TANGO6: variants seen among roughly 807,000 people sequenced by gnomAD.
TANGO6 encodes transport and Golgi organization protein 6 homolog.
TANGO6 carries 90 observed loss-of-function variants against 114.2 expected under a neutral mutation model. The observed-to-expected ratio is 0.79, with a 90% CI of 0.66 to 0.94. TANGO6 has a LOEUF of 0.94. Ranked by LOEUF, TANGO6 falls within the 40% of genes least tolerant of loss-of-function variation. TANGO6 has a pLI of 0.00. For synonymous variants in TANGO6, 477 were observed against 509.8 expected, an observed-to-expected ratio of 0.94 and a Z score of 0.87; for missense variants, 1,274 against 1,315.3, an observed-to-expected ratio of 0.97 and a Z score of 0.49.
chr16:68,898,946 C>CTTA (rs143073228), intron 7 of TANGO6, among the ~76,000 whole-genome samples: 57,364 of 144,564 alleles, frequency 0.4, 11,379 homozygotes, highest in Middle Eastern at 0.5. Context: ...AATTATCTGC[C>CTTA]TTATTATTAT....
intron 14 of TANGO6, among the ~76,000 whole-genome samples, chr16:68,962,718 G>A (rs761419041): frequency 1.7e-4 from 26 of 151,806 alleles, no homozygotes; most frequent in Non-Finnish European, 3.8e-4. Flanking sequence ...TCAAGATTGC[G>A]CCATTGCACA....
chr16:68,988,987 T>G (rs558966469), intron 15 of TANGO6, among the ~76,000 whole-genome samples: 2 of 152,212 alleles, frequency 1.3e-5, no homozygotes, highest in Admixed American at 1.3e-4. Flanking sequence ...CTCTTCAGTT[T>G]CCCAAGTATG....
intron 17 of TANGO6, among the ~76,000 whole-genome samples, chr16:69,061,755 C>CA (rs1236929805): frequency 6.6e-6 from 1 of 152,062 alleles, no homozygotes; most frequent in Admixed American, 6.6e-5. Flanking sequence ...CGCGGTGGCT[C>CA]ACGCCTGTAA....
chr16:69,050,491 A>ATTTTTTT (rs1257183183), intron 17 of TANGO6, among the ~76,000 whole-genome samples: 1 of 140,486 alleles, frequency 7.1e-6, no homozygotes, highest in African/African-American at 2.6e-5. Flanking sequence ...TGCCCAGCTA[A>ATTTTTTT]TTTTTTTTTT....
rs777753078 is a variant in TANGO6, at chr16:68,930,282, A to C, written c.2688A>C (p.Leu896=). The change falls in exon 14 of 18, where the codon CTA becomes CTC. Residue 896 remains leucine, a synonymous_variant. Transcript: ENST00000261778. ...AACATGAAGACACTTTTGTATATCT[A>C]TCTGCAATTCAGGGTAAGTCAGTCC... ...NLEHEDTFVY[L]SAIQGVALLS... 4.5e-6 allele frequency: 7 copies of C among 1,554,348 alleles called. No homozygotes were observed. Among genetic ancestry groups the C allele is most frequent in the Non-Finnish European group, 6.1e-6 (7 of 1,147,868 alleles).
At position 69,008,587 on chromosome 16, in the gene TANGO6, T is replaced by TAAATCTGTGATCCA. The variant is rs1184486884; in HGVS notation, c.2843-14240_2843-14227dup. On this transcript the variant is annotated intron_variant, in intron 15 of 17. Transcript: ENST00000261778. ...GTTTTACAATTTTATCTCTTATGCA[T>TAAATCTGTGATCCA]AAATCTGTGATCCATTTGAAGTTAA... Among the ~76,000 whole-genome samples, 8 of 152,272 alleles carry TAAATCTGTGATCCA rather than the reference T, an allele frequency of 5.3e-5. No homozygotes were observed. The South Asian group carries it at 6.2e-4, about 12-fold the overall frequency.
In TANGO6 at chr16:68,900,526, G is replaced by A; in HGVS notation, c.1470G>A (p.Lys490=). ...GVLFLLYCFT[K]QSVSHIRSLC... ...TTTTTCTTCTCTACTGTTTTACTAA[G>A]CAGAGTGTGTCTCACATAAGGTAAA... The change falls in exon 8 of 18, where the codon AAG becomes AAA. Residue 490 remains lysine (K), a synonymous_variant. Coordinates refer to ENST00000261778, the MANE Select transcript of TANGO6 (RefSeq NM_024562.2). The A allele has an allele frequency of 6.2e-7, 1 of 1,613,712 alleles. No individual in the cohort carries two copies. The highest frequency in any genetic ancestry group is 8.5e-7 in the Non-Finnish European group (1 of 1,179,680).
At chr16:68,967,521 G>A (rs866792905) in intron 14 of TANGO6, among the ~76,000 whole-genome samples, 32 of 152,132 alleles carry the variant, frequency 2.1e-4, no homozygotes, top group African/African-American at 7.0e-4. Context: ...AAGAAATTTC[G>A]TAACTATTAG....
At chr16:69,016,639 A>T (rs954428080) in intron 15 of TANGO6, among the ~76,000 whole-genome samples, 4 of 152,004 alleles carry the variant, frequency 2.6e-5, no homozygotes, top group Admixed American at 1.3e-4. Flanking sequence ...TAGAGGTTTT[A>T]AAATATTTAT....
At chr16:68,918,157 C>T (rs558755918) in intron 11 of TANGO6, among the ~76,000 whole-genome samples, 30 of 152,292 alleles carry the variant, frequency 2.0e-4, no homozygotes, top group Admixed American at 1.6e-3. Context: ...ATCTACCCAC[C>T]TCAGCCTCCC....
At chr16:69,039,656 G>A (rs1386658592) in intron 16 of TANGO6, among the ~76,000 whole-genome samples, 1 of 134,032 alleles carries the variant, frequency 7.5e-6, no homozygotes, top group Non-Finnish European at 1.7e-5. Flanking sequence ...AAACAAAACA[G>A]AAAAAATACG....
intron 11 of TANGO6, among the ~76,000 whole-genome samples, chr16:68,912,979 C>G (rs969950912): frequency 2.0e-5 from 3 of 149,846 alleles, no homozygotes; most frequent in Non-Finnish European, 3.0e-5. Flanking sequence ...ATTCGGAAGG[C>G]TGAGGCATGA....
chr16:68,879,417 G>C (rs1962422323), intron 6 of TANGO6, among the ~76,000 whole-genome samples: 1 of 152,130 alleles, frequency 6.6e-6, no homozygotes, highest in African/African-American at 2.4e-5. Flanking sequence ...AGGAGGTTGA[G>C]GTTGCAGTGA....
In TANGO6 at chr16:69,040,357, T is replaced by C; in HGVS notation, c.3044T>C (p.Val1015Ala). Residue 1015 changes from valine (V) to alanine (A), a missense_variant, in exon 17 of 18, where the codon GTA becomes GCA. Physicochemically the swap from Val to Ala is moderately conservative, Grantham distance 64. Transcript: ENST00000261778. ...AVAKTDGEVQ[V>A]RRAAIHVVVL... Reference sequence around the variant, plus strand: ...GCCAAAACAGATGGTGAAGTTCAAGTACGCAGAGCTGCCATACATGTGGTT... The same window carrying C: ...GCCAAAACAGATGGTGAAGTTCAAGCACGCAGAGCTGCCATACATGTGGTT... 1 of 1,609,502 alleles carries C rather than the reference T, an allele frequency of 6.2e-7. No individual in the cohort carries two copies. The highest frequency in any genetic ancestry group is 8.5e-7 in the Non-Finnish European group (1 of 1,178,188).
chr16:68,932,008 C>T (rs989033522), intron 14 of TANGO6, among the ~76,000 whole-genome samples: 1 of 151,728 alleles, frequency 6.6e-6, no homozygotes, highest in Admixed American at 6.6e-5. Context: ...CCACGCCCAG[C>T]CGAGTTACGA....
intron 7 of TANGO6, among the ~76,000 whole-genome samples, chr16:68,885,907 C>G (rs559204255): frequency 6.6e-6 from 1 of 152,126 alleles, no homozygotes; most frequent in South Asian, 2.1e-4. Context: ...GCCTGTATAC[C>G]TTGGAGTGGA....
intron 14 of TANGO6, among the ~76,000 whole-genome samples, chr16:68,963,742 T>C (rs1963617561): frequency 6.6e-6 from 1 of 152,238 alleles, no homozygotes; most frequent in African/African-American, 2.4e-5. Flanking sequence ...CTGAGCCTAG[T>C]GCAGTCGTCA....
chr16:68,980,409 CTA>C (rs1231646458), intron 15 of TANGO6, among the ~76,000 whole-genome samples: 74 of 67,972 alleles, frequency 1.1e-3, no homozygotes, highest in Middle Eastern at 8.9e-3. Context: ...CTCTCTCTCT[CTA>C]TATATATATA....
In TANGO6 at chr16:68,860,064, G is replaced by A; in HGVS notation, c.275G>A (p.Trp92Ter). The change falls in exon 2 of 18, where the codon TGG (tryptophan) becomes TAG (stop). Residue 92 changes from tryptophan to a stop codon, truncating the protein, a stop_gained. Coordinates refer to ENST00000261778, the MANE Select transcript of TANGO6 (RefSeq NM_024562.2). LOFTEE classifies it high-confidence loss of function. ...CCACAAAACTCTGTGGATGTCACTT[G>A]GAGTTTTACCTCTCAAACCTTGTTG... The part of the protein sequence containing the change: ...EWPQNSVDVT[W>*]SFTSQTLLLL... The A allele has an allele frequency of 6.2e-7, 1 of 1,613,970 alleles. No individual in the cohort carries two copies. The highest frequency in any genetic ancestry group is 8.5e-7 in the Non-Finnish European group (1 of 1,179,890).
Sources: gnomAD v4.1 joint callset for allele counts (sites outside exome capture counted in the v4.1 genomes callset) on GRCh38, gnomAD v4.1.1 for gene constraint, MANE v1.5 for transcripts, NCBI Gene and HGNC (gene_info 2026-07-23, HGNC 2026-07-21) for gene names.